Variants in MBTPS1 observed in about 807,000 individuals in gnomAD.
The protein encoded by MBTPS1 is membrane-bound transcription factor site-1 protease.
MBTPS1 carries 94 observed loss-of-function variants against 127.8 expected under a neutral mutation model. The ratio of observed to expected loss-of-function variants is 0.74; its 90% CI spans 0.62 to 0.87. MBTPS1 has a LOEUF of 0.87. Among genes scored for constraint, MBTPS1 ranks in the 40% least tolerant of loss-of-function variants. The pLI, the probability that MBTPS1 is intolerant of heterozygous loss-of-function variation, is 0.00. For missense variants in MBTPS1, 1,636 were observed against 1,353.2 expected (o/e 1.21, Z -3.28); for synonymous variants, 632 against 509.4 (o/e 1.24, Z -3.24).
intron 1 of MBTPS1, among the ~76,000 whole-genome samples, chr16:84,113,245 G>A (rs903170270): frequency 3.3e-5 from 5 of 152,040 alleles, no homozygotes; most frequent in African/African-American, 7.2e-5. Context: ...GCCTACTTAG[G>A]GCTGTTACTG....
intron 1 of MBTPS1, among the ~76,000 whole-genome samples, chr16:84,102,987 G>A (rs1355491568): frequency 6.6e-6 from 1 of 152,168 alleles, no homozygotes; most frequent in Non-Finnish European, 1.5e-5. Flanking sequence ...GACAGTTTGT[G>A]AGGGAAACTA....
intron 3 of MBTPS1, 27 bp from the exon 4 acceptor site, chr16:84,095,832 A>C (rs1008320260): frequency 6.3e-7 from 1 of 1,596,896 alleles, no homozygotes; most frequent in Admixed American, 1.7e-5. Context: ...GAAAGATCAG[A>C]ACAGAAGAGC....
intron 1 of MBTPS1, chr16:84,110,778 G>A (rs1297618362): frequency 2.6e-5 from 4 of 152,174 alleles, no homozygotes; most frequent in Non-Finnish European, 5.9e-5. Flanking sequence ...CCTGGCTCCA[G>A]AGGCCACACT....
In MBTPS1 at chr16:84,074,675, G is replaced by T. The variant is rs766675178; in HGVS notation, c.1515C>A (p.Ile505=). 40 of 1,613,956 alleles carry T rather than the reference G, an allele frequency of 2.5e-5. No homozygotes were observed. Among genetic ancestry groups the T allele is most frequent in the Non-Finnish European group, 3.2e-5 (38 of 1,179,942 alleles). The change falls in exon 12 of 23, where the codon ATC becomes ATA. Residue 505 remains isoleucine, a synonymous_variant. Coordinates refer to ENST00000343411, the MANE Select transcript of MBTPS1 (RefSeq NM_003791.4). Reference sequence around the variant, plus strand: ...CAACTGTCGGCATTCCTCCATAGTAGATGGGCTGGGAGCAGTAGGGCCACA... The same window carrying T: ...CAACTGTCGGCATTCCTCCATAGTATATGGGCTGGGAGCAGTAGGGCCACA... The part of the protein sequence containing the change: ...PYMWPYCSQP[I]YYGGMPTVVN...
Position 84,066,625 on chromosome 16 carries a change from G to A in MBTPS1, c.2229-12C>T, listed in dbSNP as rs1213993038. ...GCATCCACCACTGCCTGGGAAAGTG[G>A]TAACAGACACACAGGGAACAGGGAA... is the stretch of plus-strand genomic sequence containing the variant. On this transcript the variant is annotated splice_polypyrimidine_tract_variant and intron_variant, in intron 16 of 22. Coordinates refer to ENST00000343411, the MANE Select transcript of MBTPS1 (RefSeq NM_003791.4). 7 of 1,613,422 alleles carry A rather than the reference G, an allele frequency of 4.3e-6. No homozygotes were observed. Among genetic ancestry groups the A allele is most frequent in the Non-Finnish European group, 1.7e-6 (2 of 1,179,772 alleles).
intron 11 of MBTPS1, 32 bp from the exon 12 acceptor site, chr16:84,074,773 C>A (rs1204083726): frequency 6.3e-7 from 1 of 1,590,572 alleles, no homozygotes; most frequent in Non-Finnish European, 8.6e-7. Context: ...TAGAGTAGAT[C>A]ATATGAGAAA....
chr16:84,057,024 C>T (rs1417808544), intron 21 of MBTPS1: 2 of 152,190 alleles, frequency 1.3e-5, no homozygotes, highest in Admixed American at 1.3e-4. Flanking sequence ...AAACTGTCAG[C>T]CTGTCTCTTT....
chr16:84,074,266 G>C (rs1303967126), intron 12 of MBTPS1, among the ~76,000 whole-genome samples: 2 of 149,302 alleles, frequency 1.3e-5, no homozygotes, highest in African/African-American at 5.0e-5. Flanking sequence ...ACAAGGTCTT[G>C]CTCTGTCATC....
intron 9 of MBTPS1, 142 bp from the exon 10 acceptor site, chr16:84,085,276 A>G (rs1177311748): frequency 1.2e-6 from 1 of 866,022 alleles, no homozygotes; most frequent in Non-Finnish European, 1.8e-6. Context: ...TTAGTCTGAA[A>G]TTCACTCCAG....
At chr16:84,070,159 T>C (rs942183863) in intron 13 of MBTPS1, 121 bp from the exon 14 acceptor site, 38 of 814,444 alleles carry the variant, frequency 4.7e-5, no homozygotes, top group Non-Finnish European at 6.9e-5. Flanking sequence ...GAATTTCCAA[T>C]AACAAATGTC....
chr16:84,088,965 T>C (rs2086067143), intron 8 of MBTPS1, among the ~76,000 whole-genome samples: 1 of 152,204 alleles, frequency 6.6e-6, no homozygotes. Context: ...CTCTGCTCCT[T>C]CAACACACCA....
In MBTPS1 at chr16:84,091,847, A is replaced by G; in HGVS notation, c.848T>C (p.Val283Ala). The G allele has an allele frequency of 6.5e-7, 1 of 1,538,634 alleles. No individual in the cohort carries two copies. The highest frequency in any genetic ancestry group is 9.0e-7 in the Non-Finnish European group (1 of 1,111,064). The change falls in exon 7 of 23, where the codon GTA (valine) becomes GCA (alanine). Residue 283 changes from valine (V) to alanine (A), a missense_variant and splice_region_variant. Coordinates refer to ENST00000343411, the MANE Select transcript of MBTPS1 (RefSeq NM_003791.4). ...HIFRVFTNNQ[V>A]SYTSWFLDAF... ...GTCCAAAAACCAAGATGTGTAAGATACCTAGTTAAATATTATAACAGTCTG... is the reference window on the plus strand; with the variant it reads ...GTCCAAAAACCAAGATGTGTAAGATGCCTAGTTAAATATTATAACAGTCTG...
chr16:84,106,505 C>G (rs944561438), intron 1 of MBTPS1, among the ~76,000 whole-genome samples: 1 of 151,966 alleles, frequency 6.6e-6, no homozygotes, highest in Non-Finnish European at 1.5e-5. Flanking sequence ...GGCCCTGGGG[C>G]AAGGACCATT....
intron 1 of MBTPS1, among the ~76,000 whole-genome samples, chr16:84,113,204 T>G (rs1338876250): frequency 1.3e-5 from 2 of 152,214 alleles, no homozygotes; most frequent in African/African-American, 2.4e-5. Context: ...GAAAGGCTTA[T>G]TATCATTTGT....
chr16:84,110,280 T>C (rs995857632), intron 1 of MBTPS1, among the ~76,000 whole-genome samples: 2 of 152,202 alleles, frequency 1.3e-5, no homozygotes, highest in Non-Finnish European at 2.9e-5. Context: ...TTCTAGGAAA[T>C]TGACAGAATT....
intron 11 of MBTPS1, chr16:84,075,789 A>C (rs533853725): frequency 6.6e-6 from 1 of 152,362 alleles, no homozygotes; most frequent in Admixed American, 6.5e-5. Flanking sequence ...TATAATCAAC[A>C]CATATCACAG....
intron 11 of MBTPS1, among the ~76,000 whole-genome samples, chr16:84,080,907 G>C (rs372598076): frequency 6.6e-6 from 1 of 152,134 alleles, no homozygotes; most frequent in African/African-American, 2.4e-5. Context: ...CAGACTGACA[G>C]ACCACATTAA....
intron 1 of MBTPS1, among the ~76,000 whole-genome samples, chr16:84,104,715 C>A (rs908495770): frequency 6.6e-6 from 1 of 152,054 alleles, no homozygotes; most frequent in Non-Finnish European, 1.5e-5. Context: ...TGTTCTCTTA[C>A]AACTTAGGCA....
At chr16:84,082,011 T>C in intron 10 of MBTPS1, 103 bp from the exon 11 acceptor site, 1 of 761,206 alleles carries the variant, frequency 1.3e-6, no homozygotes, top group Non-Finnish European at 1.8e-6. Context: ...GCCTGCAGTC[T>C]TGTTTAGTAT....
Sources: allele counts gnomAD v4.1 joint callset (sites outside exome capture counted in the v4.1 genomes callset), GRCh38; gene constraint gnomAD v4.1.1; transcripts MANE v1.5; gene names NCBI Gene and HGNC (gene_info 2026-07-23, HGNC 2026-07-21).